ZNF778: variants seen among roughly 807,000 people sequenced by gnomAD.
ZNF778 encodes the protein zinc finger protein 778.
ZNF778 carries 37 observed loss-of-function variants against 23.9 expected under a neutral mutation model. That is an observed-to-expected ratio of 1.54 (90% CI 1.19 to 2.03). The LOEUF is 2.03. ZNF778 is among the 30% of genes most tolerant of loss of function. The pLI is 0.00. For missense variants in ZNF778, 1,297 were observed against 934.4 expected (o/e 1.39, Z -5.06); for synonymous variants, 483 against 343.9 (o/e 1.40, Z -4.48).
intron 4 of ZNF778, 24 bp from the exon 5 acceptor site, chr16:89,224,695 C>T (rs1039991020): frequency 7.9e-6 from 12 of 1,512,718 alleles, no homozygotes; most frequent in East Asian, 7.4e-5. Context: ...CCTCTTCCAT[C>T]GATGTCTCTT....
chr16:89,220,903 GA>G (rs2030869526), intron 1 of ZNF778, 93 bp from the exon 2 acceptor site: 3 of 552,978 alleles, frequency 5.4e-6, no homozygotes, highest in Non-Finnish European at 6.6e-6. Context: ...GAGTAAAGTG[GA>G]TATAGTGGCT....
chr16:89,227,740 A>T lies in ZNF778; in HGVS notation c.1452A>T (p.Lys484Asn), dbSNP rs974766156. The change falls in exon 7 of 7, where the codon AAA becomes AAT. Residue 484 changes from lysine (K) to asparagine (N), a missense_variant. Coordinates refer to ENST00000433976, the MANE Select transcript of ZNF778 (RefSeq NM_001201407.2). ...EKPYECKDCG[K>N]SFTVSSSLTE... The stretch of plus-strand genomic sequence containing the variant: ...CATATGAATGTAAAGATTGTGGGAA[A>T]TCCTTCACTGTTTCTTCAAGCCTGA... 13 of 1,612,720 alleles carry T rather than the reference A, an allele frequency of 8.1e-6. No homozygotes were observed. Among genetic ancestry groups the T allele is most frequent in the Non-Finnish European group, 1.1e-5 (13 of 1,179,148 alleles).
At chr16:89,218,683 C>G (rs561718487) in intron 1 of ZNF778, among the ~76,000 whole-genome samples, 2 of 152,290 alleles carry the variant, frequency 1.3e-5, no homozygotes, top group South Asian at 4.1e-4. Context: ...CCCAGCTACT[C>G]TGGAGGCTGA....
Position 89,234,052 on chromosome 16 carries a change from C to T in ZNF778, c.*5490C>T, listed in dbSNP as rs2032160868. On this transcript the variant is annotated 3_prime_UTR_variant, in exon 7 of 7. Coordinates refer to ENST00000433976, the MANE Select transcript of ZNF778 (RefSeq NM_001201407.2). ...TGCCTCCCCTGGCTCTGACTTCTGC[C>T]TCCTGCCCAGCTCTGCAGCTCCCCT... 3.7e-6 allele frequency: 3 copies of T among 816,436 alleles called. No individual in the cohort carries two copies. The highest frequency in any genetic ancestry group is 3.6e-6 in the Non-Finnish European group (2 of 556,482). The allele number at this position is 816,436 out of a possible 1,614,324, so 50.6% of individuals were successfully genotyped here.
In ZNF778 at chr16:89,232,890, C is replaced by T. The variant is rs962841795; in HGVS notation, c.*4328C>T. 27 of 1,266,598 alleles carry T rather than the reference C, an allele frequency of 2.1e-5. No individual in the cohort carries two copies. The highest frequency in any genetic ancestry group is 5.8e-5 in the East Asian group (1 of 17,204). The allele number at this position is 1,266,598 out of a possible 1,614,324, so 78.5% of individuals were successfully genotyped here. Reference sequence around the variant, plus strand: ...CTCGCACTGCGTATGCAACTCAACTCGCACTGCGTATGCAACTCAACTCGC... The same window carrying T: ...CTCGCACTGCGTATGCAACTCAACTTGCACTGCGTATGCAACTCAACTCGC... On this transcript the variant is annotated 3_prime_UTR_variant, in exon 7 of 7. Transcript: ENST00000433976.
chr16:89,224,886 G>T, intron 5 of ZNF778, 84 bp downstream of exon 5: 1 of 1,021,654 alleles, frequency 9.8e-7, no homozygotes, highest in Non-Finnish European at 1.5e-6. Context: ...GGCTATGGAA[G>T]GATTGTGTCA....
rs1335344456 is a variant in ZNF778 at position 89,237,014 on chromosome 16, A to G, written c.*8452A>G. ...CTTGAACCCAGGAGGTGGAGGTTGCAGTCAGTCGAGATTGTGCCACGGCAC... is the reference window on the plus strand; with the variant it reads ...CTTGAACCCAGGAGGTGGAGGTTGCGGTCAGTCGAGATTGTGCCACGGCAC... On this transcript the variant is annotated 3_prime_UTR_variant, in exon 7 of 7. Coordinates refer to ENST00000433976, the MANE Select transcript of ZNF778 (RefSeq NM_001201407.2). The G allele has an allele frequency of 6.6e-6, 1 of 152,182 alleles. No homozygotes were observed. The highest frequency in any genetic ancestry group is 1.5e-5 in the Non-Finnish European group (1 of 68,080). 9.4% of individuals were successfully genotyped at this position (152,182 alleles called of 1,614,324 possible).
Position 89,228,051 on chromosome 16 carries a change from C to T in ZNF778, c.1763C>T (p.Pro588Leu), listed in dbSNP as rs201951544. 6.3e-7 allele frequency: 1 copy of T among 1,589,148 alleles called. No individual in the cohort carries two copies. Among genetic ancestry groups the T allele is most frequent in the South Asian group, 1.1e-5 (1 of 88,090 alleles). ...ATTCAGATTCACACTGGAATAAAAC[C>T]TTATGAATGTAAGGACTGTGGGAAA... Reference protein sequence around the residue: ...KHIQIHTGIKPYECKDCGKTF... With the variant: ...KHIQIHTGIKLYECKDCGKTF... Residue 588 changes from proline (P) to leucine (L), a missense_variant, in exon 7 of 7, where the codon CCT becomes CTT. Coordinates refer to ENST00000433976, the MANE Select transcript of ZNF778 (RefSeq NM_001201407.2).
Position 89,233,033 on chromosome 16 carries a change from C to T in ZNF778, c.*4471C>T, listed in dbSNP as rs2032038887. On this transcript the variant is annotated 3_prime_UTR_variant, in exon 7 of 7. Coordinates refer to ENST00000433976, the MANE Select transcript of ZNF778 (RefSeq NM_001201407.2). ...TGCGTATGCAACTCAAGTCGCACTG[C>T]GTATGCAACTCAGCTCGCTCTGCGT... is the stretch of plus-strand genomic sequence containing the variant. 1 of 1,274,292 alleles carries T rather than the reference C, an allele frequency of 7.8e-7. No homozygotes were observed. Among genetic ancestry groups the T allele is most frequent in the South Asian group, 1.3e-5 (1 of 79,138 alleles). The allele number at this position is 1,274,292 out of a possible 1,614,324, so 78.9% of individuals were successfully genotyped here. A position where few individuals can be genotyped will look rare whatever the true frequency, so the allele number is the denominator to read the frequency against.
At chr16:89,221,820 CTGTG>C (rs374438722) in intron 2 of ZNF778, among the ~76,000 whole-genome samples, 1 of 137,480 alleles carries the variant, frequency 7.3e-6, no homozygotes, top group Non-Finnish European at 1.6e-5. Context: ...CAGTGTATGG[CTGTG>C]TGTGTGTGTG....
Position 89,234,181 on chromosome 16 carries a change from G to A in ZNF778, c.*5619G>A, listed in dbSNP as rs774491954. ...GTCACTCACTCACCTTGACGAGTCC[G>A]CGTCTAGGCCCCACCAGTGGTGTGG... On this transcript the variant is annotated 3_prime_UTR_variant, in exon 7 of 7. Transcript: ENST00000433976. The A allele has an allele frequency of 2.3e-5, 9 of 395,920 alleles. No homozygotes were observed. The highest frequency in any genetic ancestry group is 3.7e-5 in the South Asian group (2 of 53,494). The allele number at this position is 395,920 out of a possible 1,614,324, so 24.5% of individuals were successfully genotyped here.
chr16:89,221,163 G>GT lies in ZNF778; in HGVS notation c.25+12dup. The GT allele has an allele frequency of 6.4e-7, 1 of 1,558,674 alleles. No individual in the cohort carries two copies. The highest frequency in any genetic ancestry group is 1.2e-5 in the South Asian group (1 of 84,494). On this transcript the variant is annotated intron_variant, in intron 2 of 6. Coordinates refer to ENST00000433976, the MANE Select transcript of ZNF778 (RefSeq NM_001201407.2). ...CTGACCTGGCCCACGGTAAGTCCTG[G>GT]TGGGGCTCCTTCTCAGAGCCTCTGC...
Position 89,228,200 on chromosome 16 carries a change from A to C in ZNF778, c.1912A>C (p.Thr638Pro). 6.2e-7 allele frequency: 1 copy of C among 1,613,496 alleles called. No homozygotes were observed. Among genetic ancestry groups the C allele is most frequent in the Non-Finnish European group, 8.5e-7 (1 of 1,179,616 alleles). ...CTCACACCTTATCGTGCACATAAGA[A>C]CCCACACCGGTGAGAAACCCTACAT... The part of the protein sequence containing the change: ...TSSHLIVHIR[T>P]HTGEKPYICK... Residue 638 changes from threonine (T) to proline (P), a missense_variant, in exon 7 of 7, where the codon ACC (threonine) becomes CCC (proline). Transcript: ENST00000433976.
rs1567502707 is a variant in ZNF778, at chr16:89,225,650, A to G, written c.405+19A>G. On this transcript the variant is annotated intron_variant, in intron 6 of 6. Transcript: ENST00000433976. Reference sequence around the variant, plus strand: ...ACAGACGGTAAGATTAACAAGAGAGATTTTTTTATTTATCACACTCATAAA... The same window carrying G: ...ACAGACGGTAAGATTAACAAGAGAGGTTTTTTTATTTATCACACTCATAAA... 3.8e-6 allele frequency: 6 copies of G among 1,597,534 alleles called. No homozygotes were observed. The highest frequency in any genetic ancestry group is 4.3e-6 in the Non-Finnish European group (5 of 1,168,394).
At position 89,226,987 on chromosome 16, in the gene ZNF778, G is replaced by A. The variant is rs1178745947; in HGVS notation, c.699G>A (p.Val233=). The A allele has an allele frequency of 1.2e-6, 2 of 1,613,900 alleles. No homozygotes were observed. The highest frequency in any genetic ancestry group is 1.7e-5 in the Admixed American group (1 of 60,006). The change falls in exon 7 of 7, where the codon GTG becomes GTA. Residue 233 remains valine (V), a synonymous_variant. Coordinates refer to ENST00000433976, the MANE Select transcript of ZNF778 (RefSeq NM_001201407.2). ...RSLDYSSCGE[V]FLNQSYLQAR... Reference sequence around the variant, plus strand: ...TTGACTACAGCAGCTGTGGGGAAGTGTTCCTTAATCAGTCATACCTTCAGG... The same window carrying A: ...TTGACTACAGCAGCTGTGGGGAAGTATTCCTTAATCAGTCATACCTTCAGG...
chr16:89,233,108 C>T lies in ZNF778; in HGVS notation c.*4546C>T, dbSNP rs183980542. ...TGCAACTCAGCTCGCACTGCGTATG[C>T]AAGTCAGCTCGCTCTGCGTATGCAA... On this transcript the variant is annotated 3_prime_UTR_variant, in exon 7 of 7. Transcript: ENST00000433976. 43 of 440,324 alleles carry T rather than the reference C, an allele frequency of 9.8e-5. 13 individuals are homozygous for T. The highest frequency in any genetic ancestry group is 7.5e-5 in the Non-Finnish European group (21 of 279,182). 27.3% of individuals were successfully genotyped at this position (440,324 alleles called of 1,614,324 possible).
At position 89,235,994 on chromosome 16, in the gene ZNF778, T is replaced by TAAAAAA. The variant is rs55659257; in HGVS notation, c.*7445_*7450dup. The stretch of plus-strand genomic sequence containing the variant: ...CAACACAGTGAAACCTCGTCTCTAG[T>TAAAAAA]AAAAAAAAAAAAAAAAAAGAAAAAT... On this transcript the variant is annotated 3_prime_UTR_variant, in exon 7 of 7. Coordinates refer to ENST00000433976, the MANE Select transcript of ZNF778 (RefSeq NM_001201407.2). The TAAAAAA allele has an allele frequency of 7.4e-6, 1 of 134,782 alleles. No individual in the cohort carries two copies. The highest frequency in any genetic ancestry group is 2.8e-5 in the African/African-American group (1 of 35,226). 8.3% of individuals were successfully genotyped at this position (134,782 alleles called of 1,614,324 possible).
rs1345359375 is a variant in ZNF778, at chr16:89,228,849, C to T, written c.*287C>T. ...CTGTTCTGCTCAGTACTTTGATGAT[C>T]CCTTGTGATCTCACAATGAAGAAAA... On this transcript the variant is annotated 3_prime_UTR_variant, in exon 7 of 7. Coordinates refer to ENST00000433976, the MANE Select transcript of ZNF778 (RefSeq NM_001201407.2). 1 of 1,102,458 alleles carries T rather than the reference C, an allele frequency of 9.1e-7. No homozygotes were observed. Among genetic ancestry groups the T allele is most frequent in the Admixed American group, 4.6e-5 (1 of 21,576 alleles). 68.3% of individuals were successfully genotyped at this position (1,102,458 alleles called of 1,614,324 possible). A position where few individuals can be genotyped will look rare whatever the true frequency, so the allele number is the denominator to read the frequency against.
In ZNF778 at chr16:89,227,293, A is replaced by T. The variant is rs2031567395; in HGVS notation, c.1005A>T (p.Lys335Asn). 1.2e-6 allele frequency: 2 copies of T among 1,613,684 alleles called. No homozygotes were observed. The highest frequency in any genetic ancestry group is 2.7e-5 in the African/African-American group (2 of 74,938). The change falls in exon 7 of 7, where the codon AAA (lysine) becomes AAT (asparagine). Residue 335 changes from lysine to asparagine, a missense_variant. Physicochemically the swap from Lys to Asn is moderately conservative, Grantham distance 94. Transcript: ENST00000433976. The part of the protein sequence containing the change: ...TQHVRIHAAE[K>N]PCECKECGKA... ...ATGTAAGAATTCATGCTGCAGAGAA[A>T]CCCTGTGAATGTAAAGAATGCGGAA...
Sources: allele counts gnomAD v4.1 joint callset (sites outside exome capture counted in the v4.1 genomes callset), GRCh38; gene constraint gnomAD v4.1.1; transcripts MANE v1.5; gene names NCBI Gene and HGNC (gene_info 2026-07-23, HGNC 2026-07-21).